The following WDFY4 variants were observed in gnomAD, a reference collection of about 807,000 sequenced individuals.
WDFY4 encodes WD repeat- and FYVE domain-containing protein 4.
Under a neutral mutation model 351.9 loss-of-function variants are expected in WDFY4, and 169 were observed. That is an observed-to-expected ratio of 0.48 (90% confidence interval 0.42 to 0.55). The LOEUF is 0.55. Ranked by LOEUF, WDFY4 falls within the 20% of genes least tolerant of loss-of-function variation. The pLI, the probability that WDFY4 is intolerant of heterozygous loss-of-function variation, is 0.00. For missense variants in WDFY4, 3,803 were observed against 3,935.6 expected, an observed-to-expected ratio of 0.97 and a Z score of 0.90; for synonymous variants, 1,622 against 1,574.6, an observed-to-expected ratio of 1.03 and a Z score of -0.71.
intron 12 of WDFY4, among the ~76,000 whole-genome samples, chr10:48,751,924 C>T (rs1201690697): frequency 6.6e-6 from 1 of 152,170 alleles, no homozygotes; most frequent in Non-Finnish European, 1.5e-5. Flanking sequence ...GCAAAGGCCC[C>T]TAGGCTTCTT....
chr10:48,787,857 C>CTTT (rs375070187), intron 20 of WDFY4, among the ~76,000 whole-genome samples: 2 of 88,656 alleles, frequency 2.3e-5, no homozygotes, highest in Non-Finnish European at 4.3e-5. Context: ...TCTTCTTCTT[C>CTTT]TTTCTTCTTC....
chr10:48,704,174 A>T (rs137856099), intron 1 of WDFY4, among the ~76,000 whole-genome samples: 39 of 152,212 alleles, frequency 2.6e-4, no homozygotes, highest in African/African-American at 9.2e-4. Context: ...AGGGACTGGG[A>T]TCACCGGGAC....
rs190560085 is a variant in WDFY4, at chr10:48,920,438, G to A, written c.7586+18575G>A. ...GTTAAATGACGAATTAATGGGTGCA[G>A]CACACCAACATGGCACATGTATACA... On this transcript the variant is annotated intron_variant, in intron 47 of 61. Coordinates refer to ENST00000325239, the MANE Select transcript of WDFY4 (RefSeq NM_001394531.1). Among the ~76,000 whole-genome samples the A allele has an allele frequency of 3.9e-5, 6 of 152,036 alleles. No homozygotes were observed. In the East Asian group the frequency reaches 1.2e-3, roughly 29 times the overall value.
At chr10:48,874,464 T>C (rs2069914095) in intron 41 of WDFY4, among the ~76,000 whole-genome samples, 1 of 152,196 alleles carries the variant, frequency 6.6e-6, no homozygotes, top group African/African-American at 2.4e-5. Context: ...CAAGTAACAA[T>C]GTTGAGTTTA....
chr10:48,938,226 C>G (rs1300949036), intron 47 of WDFY4, among the ~76,000 whole-genome samples: 1 of 152,224 alleles, frequency 6.6e-6, no homozygotes, highest in African/African-American at 2.4e-5. Context: ...TTTGGAGAGG[C>G]AGCAGGATTT....
chr10:48,947,982 T>A (rs1841136002), intron 51 of WDFY4, among the ~76,000 whole-genome samples: 1 of 152,094 alleles, frequency 6.6e-6, no homozygotes, highest in Non-Finnish European at 1.5e-5. Context: ...AACTGTGAGT[T>A]TGGGACTGAC....
At chr10:48,796,234 T>C (rs1370660737) in intron 23 of WDFY4, 64 bp from the exon 24 acceptor site, 1 of 1,498,496 alleles carries the variant, frequency 6.7e-7, no homozygotes, top group Non-Finnish European at 9.0e-7. Flanking sequence ...CTGGGACAAG[T>C]GGGTGAAGGG....
intron 49 of WDFY4, 148 bp downstream of exon 49, chr10:48,943,597 T>G: frequency 1.2e-6 from 1 of 833,034 alleles, no homozygotes; most frequent in South Asian, 2.2e-5. Flanking sequence ...AGCTCAGATC[T>G]CTTTTTTTTT....
In WDFY4 at chr10:48,897,584, C is replaced by T; in HGVS notation, c.7437+10C>T. On this transcript the variant is annotated intron_variant, in intron 45 of 61. Transcript: ENST00000325239. ...TCGCTTCCTCCTGCAGGTAAGCACACTGGGTGCTGGCACGCCTGGGGCCTG... is the reference window on the plus strand; with the variant it reads ...TCGCTTCCTCCTGCAGGTAAGCACATTGGGTGCTGGCACGCCTGGGGCCTG... 6.5e-7 allele frequency: 1 copy of T among 1,543,616 alleles called. No homozygotes were observed. Among genetic ancestry groups the T allele is most frequent in the Non-Finnish European group, 8.7e-7 (1 of 1,146,468 alleles).
At chr10:48,870,185 AG>A (rs995154604) in intron 40 of WDFY4, among the ~76,000 whole-genome samples, 2 of 152,208 alleles carry the variant, frequency 1.3e-5, no homozygotes, top group Admixed American at 1.3e-4. Context: ...AAAGTAGGGA[AG>A]GGCTGGGTTT....
Position 48,733,979 on chromosome 10 carries a change from C to T in WDFY4, c.1631C>T (p.Thr544Ile). The T allele has an allele frequency of 1.3e-6, 2 of 1,551,860 alleles. No homozygotes were observed. Among genetic ancestry groups the T allele is most frequent in the Non-Finnish European group, 1.7e-6 (2 of 1,147,036 alleles). The change falls in exon 10 of 62, where the codon ACC becomes ATC. Residue 544 changes from threonine to isoleucine, a missense_variant. Transcript: ENST00000325239. ...GTTCAGGATCCAGAAAGAGAACTCA[C>T]CTGTGTGATGCTGAGGATTGTAGTC... ...PGVQDPEREL[T>I]CVMLRIVVTL...
intron 57 of WDFY4, 109 bp from the exon 58 acceptor site, chr10:48,974,753 A>T: frequency 8.5e-7 from 1 of 1,183,314 alleles, no homozygotes; most frequent in Non-Finnish European, 1.2e-6. Context: ...TGACTCACTC[A>T]GAATCTCCAT....
chr10:48,913,846 T>C (rs1451459457), intron 47 of WDFY4: 21 of 1,613,990 alleles, frequency 1.3e-5, no homozygotes, highest in Non-Finnish European at 1.6e-5. Flanking sequence ...CGGTTGTTGC[T>C]GACGTTGAGG....
At chr10:48,834,895 C>A (rs1346908782) in intron 39 of WDFY4, among the ~76,000 whole-genome samples, 1 of 152,208 alleles carries the variant, frequency 6.6e-6, no homozygotes, top group Non-Finnish European at 1.5e-5. Flanking sequence ...TGAAAGAAGG[C>A]TGAGTAGACC....
intron 6 of WDFY4, among the ~76,000 whole-genome samples, chr10:48,726,283 G>C (rs2064265505): frequency 6.6e-6 from 1 of 152,178 alleles, no homozygotes. Flanking sequence ...TGCTTTTCTT[G>C]TTCATTTTGC....
intron 42 of WDFY4, among the ~76,000 whole-genome samples, chr10:48,875,380 C>G (rs563699045): frequency 6.6e-6 from 1 of 152,282 alleles, no homozygotes; most frequent in African/African-American, 2.4e-5. Flanking sequence ...GAGAAACAGT[C>G]TTGTCAATTT....
chr10:48,793,680 C>A (rs1381615458), intron 23 of WDFY4, among the ~76,000 whole-genome samples: 1 of 152,076 alleles, frequency 6.6e-6, no homozygotes, highest in Non-Finnish European at 1.5e-5. Context: ...GAGCGTGTGT[C>A]CGGCTTGTTT....
intron 41 of WDFY4, 92 bp from the exon 42 acceptor site, chr10:48,874,997 G>A (rs2069939064): frequency 4.5e-6 from 3 of 673,154 alleles, no homozygotes; most frequent in Admixed American, 3.7e-5. Flanking sequence ...TCACATGCAT[G>A]TGCGTGTTTG....
intron 39 of WDFY4, among the ~76,000 whole-genome samples, chr10:48,855,474 A>C (rs1163690683): frequency 6.6e-6 from 1 of 152,156 alleles, no homozygotes; most frequent in African/African-American, 2.4e-5. Context: ...TATCTGTAGT[A>C]GTGGTTCATT....
Sources: allele counts gnomAD v4.1 joint callset (sites outside exome capture counted in the v4.1 genomes callset), GRCh38; gene constraint gnomAD v4.1.1; transcripts MANE v1.5; gene names NCBI Gene and HGNC (gene_info 2026-07-23, HGNC 2026-07-21).